The following OTC variants were observed in gnomAD, a reference collection of about 807,000 sequenced individuals.
OTC encodes ornithine transcarbamylase, mitochondrial.
Under a neutral mutation model 30.3 loss-of-function variants are expected in OTC, and 3 were observed. That is an observed-to-expected ratio of 0.10 (90% confidence interval 0.05 to 0.26). The LOEUF (loss-of-function observed/expected upper bound fraction) is 0.26, where lower values mean the gene tolerates loss of function less well. Among genes scored for constraint, OTC ranks in the 10% least tolerant of loss-of-function variants. OTC has a pLI of 1.00. For missense variants in OTC, 194 were observed against 260.3 expected, an observed-to-expected ratio of 0.75 and a Z score of 1.75; for synonymous variants, 111 against 99.7, an observed-to-expected ratio of 1.11 and a Z score of -0.67.
chrX:38,356,204 A>G (rs751091715), intron 1 of OTC, among the ~76,000 whole-genome samples: 1 of 76,750 alleles, frequency 1.3e-5, no homozygotes, highest in Non-Finnish European at 2.6e-5. Flanking sequence ...TAACTTAGAT[A>G]AAATAAGCCA....
At chrX:38,401,167 T>G in intron 4 of OTC, 108 bp from the exon 5 acceptor site, 1 of 626,128 alleles carries the variant, frequency 1.6e-6, no homozygotes, top group Non-Finnish European at 2.6e-6. Context: ...TTTCATGTAG[T>G]AAAAATTCTA....
the OTC span, among the ~76,000 whole-genome samples, chrX:38,332,832 A>G: frequency 9.0e-6 from 1 of 110,950 alleles, no homozygotes; most frequent in Non-Finnish European, 1.9e-5. Context: ...CTTAGGCTAC[A>G]TATGGAAGTT....
chrX:38,374,867 C>T lies in OTC; in HGVS notation c.298+4990C>T, dbSNP rs747518945. On this transcript the variant is annotated intron_variant, in intron 3 of 9. Transcript: ENST00000039007. ...GCGGTATTTATGTGTATTTAGGTGA[C>T]GTTGCATGTTTATAAAGAAATTAAG... 3.6e-5 allele frequency among the ~76,000 whole-genome samples: 4 copies of T among 111,809 alleles called. No individual in the cohort carries two copies. In the East Asian group the frequency reaches 8.5e-4, roughly 24 times the overall value.
At chrX:38,354,746 G>GA (rs1322235206) in intron 1 of OTC, among the ~76,000 whole-genome samples, 1 of 111,397 alleles carries the variant, frequency 9.0e-6, no homozygotes, top group African/African-American at 3.3e-5. Flanking sequence ...AATCTCTATT[G>GA]AAAAATGAGA....
the OTC span, among the ~76,000 whole-genome samples, chrX:38,336,094 G>T: frequency 9.0e-6 from 1 of 111,169 alleles, no homozygotes; most frequent in Non-Finnish European, 1.9e-5. Flanking sequence ...AACTAATTTT[G>T]AGGGGTTGGA....
chrX:38,415,374 C>A (rs886952239), intron 9 of OTC, among the ~76,000 whole-genome samples: 1 of 110,127 alleles, frequency 9.1e-6, no homozygotes, highest in African/African-American at 3.3e-5. Context: ...CCACCACAGC[C>A]GGCCGCAAAT....
chrX:38,349,347 C>G (rs1351164058), upstream of OTC, among the ~76,000 whole-genome samples: 1 of 112,520 alleles, frequency 8.9e-6, no homozygotes, highest in African/African-American at 3.2e-5. Flanking sequence ...TGAATGTCAA[C>G]TGAAAAGCTT....
rs1469237263 is a variant in OTC, at chrX:38,421,427, T to C, written c.*345T>C. ...GTGTAATCTATGCTTATTACCTAAA[T>C]AAATTATCACCCATGCTAATTTATA... On this transcript the variant is annotated 3_prime_UTR_variant, in exon 10 of 10. Coordinates refer to ENST00000039007, the MANE Select transcript of OTC (RefSeq NM_000531.6). The C allele has an allele frequency of 5.4e-6, 1 of 185,587 alleles. No individual in the cohort carries two copies. Among genetic ancestry groups the C allele is most frequent in the Admixed American group, 7.3e-5 (1 of 13,650 alleles). The allele number at this position is 185,587 out of a possible 1,213,427, so 15.3% of individuals were successfully genotyped here. A position where few individuals can be genotyped will look rare whatever the true frequency, so the allele number is the denominator to read the frequency against.
At chrX:38,371,357 C>G (rs1390211644) in intron 3 of OTC, among the ~76,000 whole-genome samples, 4 of 111,501 alleles carry the variant, frequency 3.6e-5, no homozygotes, top group Non-Finnish European at 7.5e-5. Flanking sequence ...TGCCTCTTTT[C>G]TTTCTCTCTG....
At chrX:38,340,018 T>C in the OTC span, among the ~76,000 whole-genome samples, 2 of 112,242 alleles carry the variant, frequency 1.8e-5, no homozygotes, top group Non-Finnish European at 3.8e-5. Flanking sequence ...CTTAATAAAG[T>C]TAAGGAATAG....
Position 38,421,158 on chromosome X carries a change from G to A in OTC, c.*76G>A. ...GTTGGTTTATGGGGAAAAGAGAAGA[G>A]AATCTAAAAAATAAACAAATCCCTA... On this transcript the variant is annotated 3_prime_UTR_variant, in exon 10 of 10. Coordinates refer to ENST00000039007, the MANE Select transcript of OTC (RefSeq NM_000531.6). The A allele has an allele frequency of 1.4e-6, 1 of 729,285 alleles. No individual in the cohort carries two copies. The highest frequency in any genetic ancestry group is 2.9e-4 in the Middle Eastern group (1 of 3,438). The allele number at this position is 729,285 out of a possible 1,213,427, so 60.1% of individuals were successfully genotyped here.
chrX:38,421,060 A>G lies in OTC; in HGVS notation c.1043A>G (p.Gln348Arg). Residue 348 changes from glutamine to arginine, a missense_variant, in exon 10 of 10, where the codon CAG (glutamine) becomes CGG (arginine). Coordinates refer to ENST00000039007, the MANE Select transcript of OTC (RefSeq NM_000531.6). ...MVSLLTDYSP[Q>R]LQKPKF The stretch of plus-strand genomic sequence containing the variant: ...TCCCTGCTGACAGATTACTCACCTC[A>G]GCTCCAGAAGCCTAAATTTTGATGT... 5.0e-6 allele frequency: 6 copies of G among 1,198,686 alleles called. No homozygotes were observed. Among genetic ancestry groups the G allele is most frequent in the Non-Finnish European group, 5.7e-6 (5 of 883,745 alleles).
chrX:38,385,788 C>T (rs925454519), intron 4 of OTC, among the ~76,000 whole-genome samples: 1 of 112,042 alleles, frequency 8.9e-6, no homozygotes, highest in Non-Finnish European at 1.9e-5. Context: ...ATGTATTGTA[C>T]AGCAGATCTT....
downstream of OTC, among the ~76,000 whole-genome samples, chrX:38,422,306 G>GA (rs994477901): frequency 9.0e-6 from 1 of 111,689 alleles, no homozygotes; most frequent in Non-Finnish European, 1.9e-5. Context: ...TAATGTTACA[G>GA]AAAAAAACAT....
rs369147432 is a variant in OTC, at chrX:38,366,769, A to G, written c.78-522A>G. Among the ~76,000 whole-genome samples the G allele has an allele frequency of 1.3e-4, 15 of 111,791 alleles. No individual in the cohort carries two copies. The East Asian group carries it at 3.4e-3, about 25-fold the overall frequency. On this transcript the variant is annotated intron_variant, in intron 1 of 9. Coordinates refer to ENST00000039007, the MANE Select transcript of OTC (RefSeq NM_000531.6). The stretch of plus-strand genomic sequence containing the variant: ...AATAAAAATTCAATCTCTTTTCACA[A>G]ATTCTTTTTTTTTCTGTCAAACATC...
intron 4 of OTC, among the ~76,000 whole-genome samples, chrX:38,394,931 G>A (rs762337796): frequency 1.9e-4 from 21 of 110,436 alleles, no homozygotes; most frequent in African/African-American, 6.3e-4. Context: ...TAATTGGTAC[G>A]TGAAGGAAGT....
chrX:38,332,504 T>TA, the OTC span, among the ~76,000 whole-genome samples: 3 of 39,381 alleles, frequency 7.6e-5, 1 homozygote, highest in African/African-American at 2.6e-4. Flanking sequence ...GCCCTAGATT[T>TA]TATATATATA....
the OTC span, among the ~76,000 whole-genome samples, chrX:38,336,960 G>A: frequency 8.9e-6 from 1 of 112,144 alleles, no homozygotes; most frequent in South Asian, 3.7e-4. Flanking sequence ...AGAGTACAGA[G>A]ATCTGTGTTT....
chrX:38,343,933 C>A, the OTC span, among the ~76,000 whole-genome samples: 1 of 111,525 alleles, frequency 9.0e-6, no homozygotes, highest in African/African-American at 3.3e-5. Context: ...TTCACAATTT[C>A]CCCTAGGGCC....
Sources: allele counts gnomAD v4.1 joint callset (sites outside exome capture counted in the v4.1 genomes callset), GRCh38; gene constraint gnomAD v4.1.1; transcripts MANE v1.5; gene names NCBI Gene and HGNC (gene_info 2026-07-23, HGNC 2026-07-21).